The following CAB39L variants were observed in gnomAD, a reference collection of about 807,000 sequenced individuals.
CAB39L encodes calcium-binding protein 39-like.
CAB39L carries 23 observed loss-of-function variants against 39.1 expected under a neutral mutation model. The ratio of observed to expected loss-of-function variants is 0.59; its 90% confidence interval spans 0.42 to 0.83. The LOEUF (loss-of-function observed/expected upper bound fraction) is 0.83, where lower values mean the gene tolerates loss of function less well. Ranked by LOEUF, CAB39L falls within the 40% of genes least tolerant of loss-of-function variation. The pLI, the probability that CAB39L is intolerant of heterozygous loss-of-function variation, is 0.00. For synonymous variants in CAB39L, 126 were observed against 137.2 expected, an observed-to-expected ratio of 0.92 and a Z score of 0.57; for missense variants, 366 against 391.9, an observed-to-expected ratio of 0.93 and a Z score of 0.56.
intron 10 of CAB39L, among the ~76,000 whole-genome samples, chr13:49,326,698 C>CG (rs1171537398): frequency 6.6e-6 from 1 of 152,128 alleles, no homozygotes; most frequent in Non-Finnish European, 1.5e-5. Flanking sequence ...AGCCGGGGTA[C>CG]GGGGCAGGCC....
chr13:49,356,798 C>T (rs1955498004), intron 6 of CAB39L, among the ~76,000 whole-genome samples: 1 of 152,126 alleles, frequency 6.6e-6, no homozygotes, highest in Non-Finnish European at 1.5e-5. Context: ...GGTGCGGTAG[C>T]TCATGCCTGT....
intron 3 of CAB39L, among the ~76,000 whole-genome samples, chr13:49,425,102 A>G (rs1957223362): frequency 6.6e-6 from 1 of 151,844 alleles, no homozygotes; most frequent in Admixed American, 6.5e-5. Flanking sequence ...GTCAGTTTAG[A>G]AAAGAATGAA....
chr13:49,317,095 T>A (rs11843587), intron 10 of CAB39L, among the ~76,000 whole-genome samples: 1 of 151,960 alleles, frequency 6.6e-6, no homozygotes, highest in Non-Finnish European at 1.5e-5. Context: ...TAAGCCATTC[T>A]GTCTGTGGTA....
intron 3 of CAB39L, among the ~76,000 whole-genome samples, chr13:49,407,548 A>T (rs1316666191): frequency 7.2e-5 from 11 of 152,248 alleles, no homozygotes; most frequent in Admixed American, 7.2e-4. Flanking sequence ...CCCCCAAAAA[A>T]ATCAAGACTC....
At position 49,444,018 on chromosome 13, in the gene CAB39L, T is replaced by A. The variant is rs1957601142; in HGVS notation, c.-278A>T. The A allele has an allele frequency of 2.2e-6, 1 of 456,614 alleles. No homozygotes were observed. Among genetic ancestry groups the A allele is most frequent in the Non-Finnish European group, 4.4e-6 (1 of 226,970 alleles). The allele number at this position is 456,614 out of a possible 1,614,324, so 28.3% of individuals were successfully genotyped here. A position where few individuals can be genotyped will look rare whatever the true frequency, so the allele number is the denominator to read the frequency against. ...AACAGCTGCGCCACCACTCCAGTGA[T>A]GCCGGCCTCTCGACTACGAGTAACT... On this transcript the variant is annotated 5_prime_UTR_variant, in exon 1 of 11. Transcript: ENST00000409308.
chr13:49,311,315 C>T (rs1438954452), intron 10 of CAB39L, among the ~76,000 whole-genome samples: 1 of 152,136 alleles, frequency 6.6e-6, no homozygotes, highest in East Asian at 1.9e-4. Flanking sequence ...CTGGTGTAAA[C>T]AAACCTACTG....
intron 3 of CAB39L, among the ~76,000 whole-genome samples, chr13:49,411,829 G>T (rs1956995871): frequency 6.6e-6 from 1 of 152,254 alleles, no homozygotes; most frequent in South Asian, 2.1e-4. Flanking sequence ...CCCCAGCCTG[G>T]CTCATGGAAC....
intron 10 of CAB39L, among the ~76,000 whole-genome samples, 176 bp from the exon 11 acceptor site, chr13:49,311,169 A>C (rs1289247928): frequency 1.3e-5 from 2 of 152,200 alleles, no homozygotes; most frequent in African/African-American, 2.4e-5. Flanking sequence ...ACAGTCACAC[A>C]CCACATAACG....
chr13:49,375,018 TA>T (rs1351548067), intron 5 of CAB39L, among the ~76,000 whole-genome samples: 1 of 151,830 alleles, frequency 6.6e-6, no homozygotes, highest in African/African-American at 2.4e-5. Context: ...CAACTAAATC[TA>T]AAAAAAATCA....
chr13:49,420,617 G>A (rs1253802394), intron 3 of CAB39L: 2 of 152,366 alleles, frequency 1.3e-5, no homozygotes, highest in East Asian at 3.9e-4. Context: ...GGGCTTCTGG[G>A]TAGACATATT....
intron 6 of CAB39L, among the ~76,000 whole-genome samples, chr13:49,357,967 T>G (rs1042295738): frequency 1.3e-5 from 2 of 152,230 alleles, no homozygotes; most frequent in Non-Finnish European, 2.9e-5. Flanking sequence ...ATAAAATCTC[T>G]TATATACTTT....
chr13:49,333,570 T>G, intron 9 of CAB39L, among the ~76,000 whole-genome samples: 1 of 59,474 alleles, frequency 1.7e-5, no homozygotes, highest in South Asian at 4.4e-4. Flanking sequence ...CTTTCTTTCT[T>G]TTTTTTTTTT....
At chr13:49,387,545 C>T (rs1346424227) in intron 3 of CAB39L, among the ~76,000 whole-genome samples, 2 of 152,134 alleles carry the variant, frequency 1.3e-5, no homozygotes, top group East Asian at 3.9e-4. Context: ...TGTTAGTGGA[C>T]TGACAATGGC....
intron 5 of CAB39L, among the ~76,000 whole-genome samples, chr13:49,360,368 T>C (rs1172542680): frequency 6.6e-6 from 1 of 152,210 alleles, no homozygotes; most frequent in African/African-American, 2.4e-5. Flanking sequence ...GGGTTTTCCA[T>C]TAGCTGGAAA....
intron 7 of CAB39L, among the ~76,000 whole-genome samples, chr13:49,347,294 C>T (rs1339709714): frequency 6.6e-6 from 1 of 152,104 alleles, no homozygotes; most frequent in Non-Finnish European, 1.5e-5. Context: ...TTTTGTCATT[C>T]AATATTGTTG....
intron 7 of CAB39L, among the ~76,000 whole-genome samples, chr13:49,346,124 T>TATATATATG (rs71076079): frequency 8.6e-6 from 1 of 116,790 alleles, no homozygotes; most frequent in African/African-American, 3.7e-5. Context: ...TATATATATA[T>TATATATATG]CATGGATACA....
chr13:49,408,678 A>G (rs1377712516), intron 3 of CAB39L, among the ~76,000 whole-genome samples: 1 of 152,064 alleles, frequency 6.6e-6, no homozygotes, highest in African/African-American at 2.4e-5. Flanking sequence ...AATACATACA[A>G]AAATTAGTTG....
At chr13:49,376,904 T>TAGATAGATAGATAGAC (rs1257069457) in intron 5 of CAB39L, 63 bp downstream of exon 5, 5 of 1,297,504 alleles carry the variant, frequency 3.9e-6, no homozygotes, top group Non-Finnish European at 5.3e-6. Context: ...GATAGATAGA[T>TAGATAGATAGATAGAC]AGATAGATAG....
chr13:49,380,078 ATT>A (rs1244373204), intron 4 of CAB39L, among the ~76,000 whole-genome samples: 3 of 152,190 alleles, frequency 2.0e-5, no homozygotes, highest in African/African-American at 7.2e-5. Flanking sequence ...TGAACTTGTG[ATT>A]CGCCCACCTC....
Sources: allele counts gnomAD v4.1 joint callset (sites outside exome capture counted in the v4.1 genomes callset), GRCh38; gene constraint gnomAD v4.1.1; transcripts MANE v1.5; gene names NCBI Gene and HGNC (gene_info 2026-07-23, HGNC 2026-07-21).